Variants in JARID2 observed in about 807,000 individuals in gnomAD.
JARID2 encodes the protein jumonji and AT-rich interaction domain containing 2.
Under a neutral mutation model 125.6 loss-of-function variants are expected in JARID2, and 21 were observed. The ratio of observed to expected loss-of-function variants is 0.17; its 90% CI spans 0.12 to 0.24. The LOEUF is 0.24. JARID2 is among the 10% of genes least tolerant of loss of function. The probability of loss-of-function intolerance (pLI) is 1.00; values close to 1 mark genes in which losing one functional copy is unlikely to be tolerated. For missense variants in JARID2, 1,303 were observed against 1,639.6 expected (o/e 0.79, Z 3.55); for synonymous variants, 736 against 661.6 (o/e 1.11, Z -1.73).
At chr6:15,413,358 T>C (rs1231404163) in intron 3 of JARID2, among the ~76,000 whole-genome samples, 1 of 152,208 alleles carries the variant, frequency 6.6e-6, no homozygotes, top group Non-Finnish European at 1.5e-5. Flanking sequence ...TTTTGGTCTT[T>C]AGACTTTGTA....
At chr6:15,390,658 G>C (rs1764965031) in intron 2 of JARID2, among the ~76,000 whole-genome samples, 1 of 152,264 alleles carries the variant, frequency 6.6e-6, no homozygotes, top group South Asian at 2.1e-4. Flanking sequence ...CGCAAGCTGG[G>C]CCTTCTCATG....
Position 15,517,215 on chromosome 6 carries a change from G to A in JARID2, c.3505G>A (p.Val1169Met), listed in dbSNP as rs1561921589. Residue 1169 changes from valine to methionine, a missense_variant, in exon 17 of 18, where the codon GTG becomes ATG. Coordinates refer to ENST00000341776, the MANE Select transcript of JARID2 (RefSeq NM_004973.4). ...VFCLECALRH[V>M]EKQKSCRGLK... Reference sequence around the variant, plus strand: ...CTGTCTGGAGTGTGCTCTGCGCCACGTGGAGAAACAGAAGTCCTGCCGAGG... The same window carrying A: ...CTGTCTGGAGTGTGCTCTGCGCCACATGGAGAAACAGAAGTCCTGCCGAGG... 10 of 1,614,116 alleles carry A rather than the reference G, an allele frequency of 6.2e-6. No homozygotes were observed. The highest frequency in any genetic ancestry group is 1.7e-5 in the Admixed American group (1 of 60,032).
intron 5 of JARID2, among the ~76,000 whole-genome samples, chr6:15,484,228 T>C (rs1469927721): frequency 6.6e-6 from 1 of 152,160 alleles, no homozygotes; most frequent in Non-Finnish European, 1.5e-5. Context: ...GGCAGGTGAT[T>C]AGCTACTCCT....
At chr6:15,427,647 G>A (rs568641145) in intron 3 of JARID2, among the ~76,000 whole-genome samples, 15 of 152,232 alleles carry the variant, frequency 9.9e-5, no homozygotes, top group Admixed American at 9.2e-4. Flanking sequence ...CAAAGGACAA[G>A]TCTAAACACC....
At chr6:15,264,640 T>A (rs9383044) in intron 1 of JARID2, among the ~76,000 whole-genome samples, 12,560 of 150,314 alleles carry the variant, frequency 0.084, 636 homozygotes, top group East Asian at 0.19. Flanking sequence ...TGTGTGTGTG[T>A]GAGAGAGAGA....
chr6:15,257,383 T>G (rs1759705428), intron 1 of JARID2, among the ~76,000 whole-genome samples: 1 of 152,220 alleles, frequency 6.6e-6, no homozygotes, highest in South Asian at 2.1e-4. Flanking sequence ...TACAGTTTTA[T>G]ATATATGGGC....
chr6:15,287,277 C>T lies in JARID2; in HGVS notation c.45+40693C>T, dbSNP rs370255545. Among the ~76,000 whole-genome samples, 17 of 152,232 alleles carry T rather than the reference C, an allele frequency of 1.1e-4. No homozygotes were observed. The East Asian group carries it at 3.1e-3, about 28-fold the overall frequency. On this transcript the variant is annotated intron_variant, in intron 1 of 17. Coordinates refer to ENST00000341776, the MANE Select transcript of JARID2 (RefSeq NM_004973.4). ...CCCCTTCTTAAAATATTTCCAAATA[C>T]TTTTTTAAGTAAAATACCCAGGATT...
intron 1 of JARID2, among the ~76,000 whole-genome samples, chr6:15,311,578 C>G (rs1382542034): frequency 1.3e-5 from 2 of 152,038 alleles, no homozygotes; most frequent in African/African-American, 4.8e-5. Flanking sequence ...AACTCCGTCT[C>G]AAGAAAGAAA....
At chr6:15,249,811 A>G (rs779333213) in intron 1 of JARID2, among the ~76,000 whole-genome samples, 4 of 152,222 alleles carry the variant, frequency 2.6e-5, no homozygotes, top group Non-Finnish European at 4.4e-5. Context: ...TGAGAAACTC[A>G]TAAGTTGCAG....
chr6:15,489,481 A>G lies in JARID2; in HGVS notation c.906+1939A>G, dbSNP rs757847080. Among the ~76,000 whole-genome samples, 5 of 152,230 alleles carry G rather than the reference A, an allele frequency of 3.3e-5. No individual in the cohort carries two copies. The East Asian group carries it at 9.6e-4, about 29-fold the overall frequency. On this transcript the variant is annotated intron_variant, in intron 6 of 17. Coordinates refer to ENST00000341776, the MANE Select transcript of JARID2 (RefSeq NM_004973.4). ...TAGGGATGCGTGGGATACGCCTGTC[A>G]TCTCAGCTGGTCAGAGCTCACTCTC...
chr6:15,300,720 T>TGAGAGAGAGAGAGAGAGAGA (rs1264622122), intron 1 of JARID2, among the ~76,000 whole-genome samples: 10 of 130,194 alleles, frequency 7.7e-5, no homozygotes, highest in African/African-American at 1.0e-4. Context: ...TGTGTGTGTG[T>TGAGAGAGAGAGAGAGAGAGA]GTGAGAGAGA....
chr6:15,263,923 C>T (rs1029381701), intron 1 of JARID2, among the ~76,000 whole-genome samples: 2 of 152,086 alleles, frequency 1.3e-5, no homozygotes, highest in Non-Finnish European at 2.9e-5. Flanking sequence ...TACAGGGTGT[C>T]GCTGTGTTAC....
chr6:15,318,032 A>G (rs1335659038), intron 1 of JARID2, among the ~76,000 whole-genome samples: 1 of 152,138 alleles, frequency 6.6e-6, no homozygotes, highest in African/African-American at 2.4e-5. Context: ...GCTCCAGATT[A>G]GTGAATATAT....
chr6:15,359,624 T>G (rs902585977), intron 1 of JARID2, among the ~76,000 whole-genome samples: 3 of 149,114 alleles, frequency 2.0e-5, no homozygotes, highest in Non-Finnish European at 4.4e-5. Flanking sequence ...CGGTGGGGGG[T>G]GTGTGTTAGA....
At chr6:15,400,832 ATTACG>A in intron 2 of JARID2, 1 of 1,271,068 alleles carries the variant, frequency 7.9e-7, no homozygotes, top group Non-Finnish European at 1.0e-6. Flanking sequence ...CCGCTTGCTT[ATTACG>A]TACAGGGGAG....
At chr6:15,247,327 T>C (rs902144496) in intron 1 of JARID2, 19 of 672,124 alleles carry the variant, frequency 2.8e-5, no homozygotes, top group Non-Finnish European at 3.1e-5. Flanking sequence ...TGATTATTCC[T>C]AGATTTAAAT....
intron 2 of JARID2, among the ~76,000 whole-genome samples, chr6:15,387,039 A>T (rs1250996184): frequency 5.3e-5 from 8 of 152,146 alleles, no homozygotes; most frequent in Non-Finnish European, 1.0e-4. Flanking sequence ...GAGTATTCGG[A>T]ATACTCAGCC....
chr6:15,319,523 G>C (rs555995727), intron 1 of JARID2, among the ~76,000 whole-genome samples: 1 of 152,218 alleles, frequency 6.6e-6, no homozygotes, highest in African/African-American at 2.4e-5. Context: ...CCAGTCTCCT[G>C]AGTAGCTGGG....
chr6:15,488,178 C>T (rs778178973), intron 6 of JARID2, among the ~76,000 whole-genome samples: 6 of 152,200 alleles, frequency 3.9e-5, no homozygotes, highest in African/African-American at 7.2e-5. Context: ...CCAACAGGGC[C>T]ACAGATAATG....
Sources: allele counts gnomAD v4.1 joint callset (sites outside exome capture counted in the v4.1 genomes callset), GRCh38; gene constraint gnomAD v4.1.1; transcripts MANE v1.5; gene names NCBI Gene and HGNC (gene_info 2026-07-23, HGNC 2026-07-21).